Variants in TRPS1 observed in about 807,000 individuals in gnomAD.
The protein encoded by TRPS1 is zinc finger transcription factor Trps1.
TRPS1 carries 6 observed loss-of-function variants against 101.2 expected under a neutral mutation model. The observed-to-expected ratio is 0.06, with a 90% CI of 0.03 to 0.12. The LOEUF (loss-of-function observed/expected upper bound fraction) is 0.12. TRPS1 is among the 10% of genes least tolerant of loss of function. The pLI, the probability that TRPS1 is intolerant of heterozygous loss-of-function variation, is 1.00. For missense variants in TRPS1, 1,363 were observed against 1,567.0 expected (o/e 0.87, Z 2.20); for synonymous variants, 578 against 589.8 (o/e 0.98, Z 0.29).
intron 5 of TRPS1, among the ~76,000 whole-genome samples, chr8:115,433,877 C>T (rs1445739660): frequency 6.6e-6 from 1 of 152,116 alleles, no homozygotes; most frequent in Non-Finnish European, 1.5e-5. Flanking sequence ...AACTTTGTTT[C>T]CAGTGTCTCT....
rs1366934315 is a variant in TRPS1, at chr8:115,498,370, CCCGTCTCT to C, written c.2701-79926_2701-79919del. 2.4e-3 allele frequency among the ~76,000 whole-genome samples: 116 copies of C among 48,820 alleles called. 4 individuals carry two copies. Among genetic ancestry groups the C allele is most frequent in the Admixed American group, 4.4e-3 (13 of 2,922 alleles). 32.0% of individuals were successfully genotyped at this position (48,820 alleles called of 152,430 possible). A position where few individuals can be genotyped will look rare whatever the true frequency, so the allele number is the denominator to read the frequency against. ...TCCAGCCTGGGCAACAAAGAGAGAGCCCGTCTCTCTCTCTCTCTCTCTCTCTCTCTCTC... is the reference window on the plus strand; with the variant it reads ...TCCAGCCTGGGCAACAAAGAGAGAGCCTCTCTCTCTCTCTCTCTCTCTCTC... On this transcript the variant is annotated intron_variant, in intron 5 of 6. Transcript: ENST00000395715.
chr8:115,535,039 CAT>C (rs1016049665), intron 5 of TRPS1, among the ~76,000 whole-genome samples: 13 of 145,732 alleles, frequency 8.9e-5, no homozygotes, highest in African/African-American at 3.3e-4. Flanking sequence ...ATATATATAG[CAT>C]ATATATAGCA....
At chr8:115,639,659 T>G (rs1818850330) in intron 1 of TRPS1, among the ~76,000 whole-genome samples, 1 of 122,810 alleles carries the variant, frequency 8.1e-6, no homozygotes, top group African/African-American at 4.3e-5. Flanking sequence ...TGAAACCCAA[T>G]CTCTACAAAA....
At chr8:115,436,913 GT>G (rs879301923) in intron 5 of TRPS1, among the ~76,000 whole-genome samples, 1 of 144,838 alleles carries the variant, frequency 6.9e-6, no homozygotes, top group African/African-American at 2.4e-5. Context: ...GGTACCAGAA[GT>G]AAAGCAGTAA....
intron 5 of TRPS1, among the ~76,000 whole-genome samples, chr8:115,461,723 A>G (rs753182440): frequency 1.6e-4 from 25 of 152,298 alleles, no homozygotes; most frequent in Non-Finnish European, 2.8e-4. Context: ...TGAGTTCTAC[A>G]TTGAGAAACT....
rs550110055 is a variant in TRPS1 at position 115,640,185 on chromosome 8, G to A, written c.-121-16427C>T. On this transcript the variant is annotated intron_variant, in intron 1 of 6. Coordinates refer to ENST00000395715, the MANE Select transcript of TRPS1 (RefSeq NM_014112.5). ...CAAGAAAAAAAATTCTCTATAAAAG[G>A]CACTTTGCAGAAATTCCTCGTGATG... Among the ~76,000 whole-genome samples, 9 of 152,064 alleles carry A rather than the reference G, an allele frequency of 5.9e-5. No individual in the cohort carries two copies. In the South Asian group the frequency reaches 1.9e-3, roughly 32 times the overall value.
chr8:115,589,612 A>G (rs1479707580), intron 4 of TRPS1, among the ~76,000 whole-genome samples: 1 of 152,200 alleles, frequency 6.6e-6, no homozygotes, highest in Non-Finnish European at 1.5e-5. Flanking sequence ...TGAATTGACC[A>G]TAAAAGCACA....
At chr8:115,560,086 AT>A (rs1258802253) in intron 5 of TRPS1, among the ~76,000 whole-genome samples, 2 of 150,660 alleles carry the variant, frequency 1.3e-5, no homozygotes, top group Non-Finnish European at 2.9e-5. Flanking sequence ...CTGTTTATTA[AT>A]CTGATTAATC....
chr8:115,652,885 G>C (rs1249404466), intron 1 of TRPS1, among the ~76,000 whole-genome samples: 1 of 152,192 alleles, frequency 6.6e-6, no homozygotes, highest in African/African-American at 2.4e-5. Context: ...GACTACATTA[G>C]CATAGTTGTG....
In TRPS1 at chr8:115,619,274, C is replaced by T. The variant is rs746419698; in HGVS notation, c.824G>A (p.Ser275Asn). 2.5e-6 allele frequency: 4 copies of T among 1,613,876 alleles called. No individual in the cohort carries two copies. Among genetic ancestry groups the T allele is most frequent in the Non-Finnish European group, 3.4e-6 (4 of 1,179,748 alleles). ...CATGTTATGAAGGGCCAAGATTTTG[C>T]TGTCCAGCTCAGCATCTTGCCTGGT... is the stretch of plus-strand genomic sequence containing the variant. ...NRTRQDAELD[S>N]KILALHNMVQ... Residue 275 changes from serine to asparagine, a missense_variant, in exon 3 of 7, where the codon AGC becomes AAC. By Grantham distance (46) the Ser-to-Asn change is conservative (BLOSUM62 1). Transcript: ENST00000395715.
At chr8:115,431,925 A>T (rs868662435) in intron 5 of TRPS1, among the ~76,000 whole-genome samples, 20 of 152,028 alleles carry the variant, frequency 1.3e-4, no homozygotes, top group African/African-American at 4.6e-4. Context: ...CTACTTTATA[A>T]ATATATATGC....
intron 5 of TRPS1, among the ~76,000 whole-genome samples, chr8:115,584,624 C>G (rs1295333408): frequency 1.4e-5 from 2 of 147,840 alleles, no homozygotes; most frequent in Non-Finnish European, 3.0e-5. Context: ...CCTCAAAATT[C>G]TGCTTTTTTT....
chr8:115,487,756 T>C (rs183172793), intron 5 of TRPS1, among the ~76,000 whole-genome samples: 3 of 152,336 alleles, frequency 2.0e-5, no homozygotes, highest in African/African-American at 4.8e-5. Context: ...CATGATAACA[T>C]TTGAACCAAT....
At chr8:115,453,514 T>A (rs901139783) in intron 5 of TRPS1, among the ~76,000 whole-genome samples, 6 of 152,200 alleles carry the variant, frequency 3.9e-5, no homozygotes, top group African/African-American at 1.4e-4. Flanking sequence ...TGTGTAGATA[T>A]CTCAGTGTAC....
intron 5 of TRPS1, among the ~76,000 whole-genome samples, chr8:115,503,259 C>CAA (rs3069083): frequency 0.98 from 125,773 of 128,830 alleles, 61,429 homozygotes; most frequent in South Asian, 0.99. Flanking sequence ...GACTCTGTCT[C>CAA]AAAAAAAAAA....
rs146363787 is a variant in TRPS1 at position 115,664,450 on chromosome 8, T to C, written c.-122+4095A>G. On this transcript the variant is annotated intron_variant, in intron 1 of 6. Transcript: ENST00000395715. The stretch of plus-strand genomic sequence containing the variant: ...CTATTATGGTAACAAAGAATTTACT[T>C]ATTTCTGTATAATAACAAAAGATAA... 4.6e-5 allele frequency among the ~76,000 whole-genome samples: 7 copies of C among 152,256 alleles called. No individual in the cohort carries two copies. In the East Asian group the frequency reaches 1.3e-3, roughly 29 times the overall value.
intron 5 of TRPS1, among the ~76,000 whole-genome samples, chr8:115,504,837 C>A (rs1019726507): frequency 6.6e-6 from 1 of 152,036 alleles, no homozygotes; most frequent in African/African-American, 2.4e-5. Flanking sequence ...AAGATTATGT[C>A]ATAAAGAAAA....
intron 5 of TRPS1, among the ~76,000 whole-genome samples, chr8:115,466,237 C>T (rs182576506): frequency 6.6e-5 from 10 of 152,076 alleles, no homozygotes; most frequent in East Asian, 3.9e-4. Context: ...ATGCCATAGG[C>T]GAAGCAAACA....
At chr8:115,502,078 T>C (rs1215316888) in intron 5 of TRPS1, among the ~76,000 whole-genome samples, 1 of 152,082 alleles carries the variant, frequency 6.6e-6, no homozygotes, top group Admixed American at 6.5e-5. Context: ...CATCATCCTA[T>C]ATGGTTTAAA....
Sources: gnomAD v4.1 joint callset for allele counts (sites outside exome capture counted in the v4.1 genomes callset) on GRCh38, gnomAD v4.1.1 for gene constraint, MANE v1.5 for transcripts, NCBI Gene and HGNC (gene_info 2026-07-23, HGNC 2026-07-21) for gene names.